Variants in ABCA13 observed in about 807,000 individuals in gnomAD.
ABCA13 encodes the protein ATP-binding cassette sub-family A member 13.
A neutral mutation model predicts 478.7 loss-of-function variants in ABCA13; 476 were observed. The ratio of observed to expected loss-of-function variants is 0.99; its 90% CI spans 0.92 to 1.07. The LOEUF is 1.07. Ranked by LOEUF, ABCA13 falls within the 50% of genes least tolerant of loss-of-function variation. The pLI is 0.00. For missense variants in ABCA13, 6,060 were observed against 5,910.6 expected (o/e 1.03, Z -0.83); for synonymous variants, 2,252 against 2,158.9 (o/e 1.04, Z -1.20).
At chr7:48,212,286 A>T (rs1327650124) in intron 3 of ABCA13, among the ~76,000 whole-genome samples, 1 of 152,208 alleles carries the variant, frequency 6.6e-6, no homozygotes, top group Non-Finnish European at 1.5e-5. Context: ...AAGCACACAG[A>T]ATCTTTCTCC....
In ABCA13 at chr7:48,511,126, G is replaced by A. The variant is rs1424558009; in HGVS notation, c.13567G>A (p.Val4523Ile). ...VSVCLCVAVI[V>I]AFQLTAFTFR... ...CGTCTGCCTGTGTGTTGCCGTTATT[G>A]TCGCCTTCCAGTTAACAGCTTTTAC... The change falls in exon 51 of 62, where the codon GTC becomes ATC. Residue 4523 changes from valine to isoleucine, a missense_variant. By Grantham distance (29) the Val-to-Ile change is conservative. Coordinates refer to ENST00000435803, the MANE Select transcript of ABCA13 (RefSeq NM_152701.5). 6.2e-7 allele frequency: 1 copy of A among 1,613,490 alleles called. No homozygotes were observed. Among genetic ancestry groups the A allele is most frequent in the South Asian group, 1.1e-5 (1 of 91,044 alleles).
chr7:48,327,947 A>T (rs1381759810), intron 27 of ABCA13, among the ~76,000 whole-genome samples: 1 of 152,240 alleles, frequency 6.6e-6, no homozygotes. Context: ...TTGGCCATCA[A>T]CACAGAATTT....
In ABCA13 at chr7:48,511,201, T is replaced by A. The variant is rs1334517492; in HGVS notation, c.13640+2T>A. On this transcript the variant is annotated splice_donor_variant, in intron 51 of 61. Coordinates refer to ENST00000435803, the MANE Select transcript of ABCA13 (RefSeq NM_152701.5). LOFTEE classifies it high-confidence loss of function. ...GGCCCTCCTGCTGTCACTTTTCGGGTATGTGATGAGAAACGCTGCTGCAGA... is the reference window on the plus strand; with the variant it reads ...GGCCCTCCTGCTGTCACTTTTCGGGAATGTGATGAGAAACGCTGCTGCAGA... 1 of 1,606,896 alleles carries A rather than the reference T, an allele frequency of 6.2e-7. No homozygotes were observed. The highest frequency in any genetic ancestry group is 1.3e-5 in the African/African-American group (1 of 74,492).
intron 3 of ABCA13, among the ~76,000 whole-genome samples, chr7:48,199,074 A>T (rs1172484426): frequency 6.6e-6 from 1 of 152,222 alleles, no homozygotes; most frequent in Non-Finnish European, 1.5e-5. Flanking sequence ...ATCAGGTATG[A>T]ATGATCTGAG....
chr7:48,305,210 G>T (rs1800720600), intron 23 of ABCA13, among the ~76,000 whole-genome samples: 1 of 152,314 alleles, frequency 6.6e-6, no homozygotes, highest in Admixed American at 6.5e-5. Flanking sequence ...TATAGACAAA[G>T]AAACTGAAGT....
At chr7:48,206,294 A>T (rs10248319) in intron 3 of ABCA13, among the ~76,000 whole-genome samples, 30,796 of 152,198 alleles carry the variant, frequency 0.2, 3,369 homozygotes, top group Middle Eastern at 0.26. Context: ...GTACTTTATA[A>T]ATGTGTAGAC....
At chr7:48,422,651 C>G (rs1452664551) in intron 41 of ABCA13, among the ~76,000 whole-genome samples, 1 of 152,150 alleles carries the variant, frequency 6.6e-6, no homozygotes, top group Non-Finnish European at 1.5e-5. Flanking sequence ...GCCCTTGTTT[C>G]AAAGGTGTGT....
At chr7:48,426,335 A>G (rs866661380) in intron 41 of ABCA13, among the ~76,000 whole-genome samples, 2 of 152,192 alleles carry the variant, frequency 1.3e-5, no homozygotes. Context: ...GAGATATTGC[A>G]TGCCTCTCCT....
intron 58 of ABCA13, among the ~76,000 whole-genome samples, chr7:48,606,710 G>A (rs7782969): frequency 0.043 from 6,478 of 152,226 alleles, 437 homozygotes; most frequent in African/African-American, 0.15. Context: ...CACTTGAGGA[G>A]GCAGTCTGTC....
At chr7:48,584,629 C>T (rs944782657) in intron 56 of ABCA13, among the ~76,000 whole-genome samples, 1 of 152,174 alleles carries the variant, frequency 6.6e-6, no homozygotes, top group Non-Finnish European at 1.5e-5. Flanking sequence ...CCAGGATGGG[C>T]TCTGACCACC....
At chr7:48,387,356 A>G (rs901473825) in intron 35 of ABCA13, among the ~76,000 whole-genome samples, 6 of 152,216 alleles carry the variant, frequency 3.9e-5, no homozygotes, top group African/African-American at 1.4e-4. Context: ...AAATGTTAGC[A>G]TTATGAATTA....
At chr7:48,609,143 G>A (rs943816187) in intron 58 of ABCA13, among the ~76,000 whole-genome samples, 1 of 152,088 alleles carries the variant, frequency 6.6e-6, no homozygotes, top group African/African-American at 2.4e-5. Flanking sequence ...GCTGGCATGA[G>A]AACATGAGCC....
intron 15 of ABCA13, among the ~76,000 whole-genome samples, chr7:48,253,625 AC>A (rs1343161945): frequency 6.6e-6 from 1 of 152,156 alleles, no homozygotes; most frequent in Admixed American, 6.5e-5. Flanking sequence ...AGCTGGGACT[AC>A]AGGTGAATGC....
At chr7:48,430,617 T>C (rs1435381255) in intron 42 of ABCA13, among the ~76,000 whole-genome samples, 4 of 145,830 alleles carry the variant, frequency 2.7e-5, no homozygotes, top group Non-Finnish European at 5.9e-5. Context: ...GAGGTTGCAG[T>C]GAGCTGAGAT....
intron 49 of ABCA13, among the ~76,000 whole-genome samples, chr7:48,507,133 T>G (rs1026474105): frequency 1.3e-5 from 2 of 152,170 alleles, no homozygotes; most frequent in Admixed American, 1.3e-4. Context: ...GGGTTCTAGC[T>G]TTAACAGTGT....
intron 47 of ABCA13, among the ~76,000 whole-genome samples, chr7:48,485,104 T>TTTAA (rs1563334437): frequency 6.6e-6 from 1 of 152,224 alleles, no homozygotes; most frequent in Non-Finnish European, 1.5e-5. Flanking sequence ...GTTTAGCTTG[T>TTTAA]TTAATCAAAA....
At chr7:48,281,246 T>C (rs983020102) in intron 18 of ABCA13, 97 bp from the exon 19 acceptor site, 2 of 950,822 alleles carry the variant, frequency 2.1e-6, no homozygotes, top group African/African-American at 1.6e-5. Flanking sequence ...GGAGGATGGT[T>C]CTTACATGTG....
intron 52 of ABCA13, among the ~76,000 whole-genome samples, chr7:48,517,503 A>C (rs972866141): frequency 1.3e-5 from 2 of 152,176 alleles, no homozygotes; most frequent in Non-Finnish European, 2.9e-5. Flanking sequence ...TCTGATTAGC[A>C]AGTCATTTCT....
At chr7:48,189,866 A>G (rs1796863841) in intron 1 of ABCA13, among the ~76,000 whole-genome samples, 1 of 152,220 alleles carries the variant, frequency 6.6e-6, no homozygotes, top group Admixed American at 6.5e-5. Context: ...TAAGCCATGA[A>G]AAGGCTGAAT....
Sources: allele counts gnomAD v4.1 joint callset (sites outside exome capture counted in the v4.1 genomes callset), GRCh38; gene constraint gnomAD v4.1.1; transcripts MANE v1.5; gene names NCBI Gene and HGNC (gene_info 2026-07-23, HGNC 2026-07-21).